The following EFHC2 variants were observed in gnomAD, a reference collection of about 807,000 sequenced individuals.
EFHC2 encodes EF-hand domain containing 2.
In EFHC2, 18 loss-of-function variants were observed where a neutral mutation model predicts 52.7. That is an observed-to-expected ratio of 0.34 (90% CI 0.24 to 0.51). The LOEUF is 0.51. EFHC2 is among the 20% of genes least tolerant of loss of function. The pLI is 0.97. For synonymous variants in EFHC2, 203 were observed against 204.1 expected (o/e 0.99, Z 0.04); for missense variants, 513 against 562.5 (o/e 0.91, Z 0.89).
chrX:44,312,047 G>A (rs2037951429), intron 2 of EFHC2, among the ~76,000 whole-genome samples: 1 of 112,289 alleles, frequency 8.9e-6, no homozygotes, highest in South Asian at 3.6e-4. Flanking sequence ...TGATAAAAAA[G>A]AGCAGAGCAA....
intron 4 of EFHC2, among the ~76,000 whole-genome samples, chrX:44,259,709 T>C (rs1446859449): frequency 1.8e-5 from 2 of 111,942 alleles, no homozygotes; most frequent in African/African-American, 6.5e-5. Context: ...TTTGGATCCA[T>C]TTCCTTCAAG....
At chrX:44,309,226 C>T in intron 2 of EFHC2, 1 of 442,912 alleles carries the variant, frequency 2.3e-6, no homozygotes, top group South Asian at 3.0e-5. Flanking sequence ...ATGGACAATT[C>T]ATGGTGTGGC....
intron 12 of EFHC2, 99 bp downstream of exon 12, chrX:44,178,268 G>A (rs777144371): frequency 5.7e-4 from 447 of 781,999 alleles, no homozygotes; most frequent in Non-Finnish European, 7.5e-4. Context: ...GATGACACAT[G>A]TCTATTTTCT....
intron 1 of EFHC2, among the ~76,000 whole-genome samples, chrX:44,319,299 G>A (rs1329492449): frequency 9.0e-6 from 1 of 110,970 alleles, no homozygotes; most frequent in Non-Finnish European, 1.9e-5. Context: ...CACTGCGCCG[G>A]GCACAAAAGA....
chrX:44,178,004 G>A (rs1483366961), intron 12 of EFHC2, among the ~76,000 whole-genome samples: 3 of 108,908 alleles, frequency 2.8e-5, no homozygotes, highest in African/African-American at 1.0e-4. Context: ...GGTGGTGCGA[G>A]CCTGTAGTCC....
chrX:44,247,858 T>C (rs2037411803), intron 7 of EFHC2, among the ~76,000 whole-genome samples: 1 of 112,148 alleles, frequency 8.9e-6, no homozygotes, highest in East Asian at 2.8e-4. Flanking sequence ...TAGAGCAAAC[T>C]AGCAGAAGAG....
chrX:44,335,223 A>G (rs771603573), intron 1 of EFHC2, among the ~76,000 whole-genome samples: 5 of 110,474 alleles, frequency 4.5e-5, no homozygotes, highest in Non-Finnish European at 9.4e-5. Flanking sequence ...GAAAGAAGAG[A>G]AGGAGGAAGA....
intron 11 of EFHC2, among the ~76,000 whole-genome samples, chrX:44,211,798 G>A (rs1463165829): frequency 2.9e-5 from 3 of 102,841 alleles, no homozygotes; most frequent in African/African-American, 7.2e-5. Context: ...CGTGAAGCCG[G>A]GAGGTGGAGC....
At chrX:44,245,780 C>T (rs773573481) in intron 7 of EFHC2, among the ~76,000 whole-genome samples, 4 of 112,130 alleles carry the variant, frequency 3.6e-5, no homozygotes, top group Non-Finnish European at 7.5e-5. Flanking sequence ...TATCCATGTA[C>T]CTTTCTTGGG....
At chrX:44,294,752 CAG>C (rs2037816096) in intron 2 of EFHC2, among the ~76,000 whole-genome samples, 1 of 111,515 alleles carries the variant, frequency 9.0e-6, no homozygotes, top group Non-Finnish European at 1.9e-5. Context: ...AACTGCAAAA[CAG>C]AGTATGGTAC....
intron 11 of EFHC2, among the ~76,000 whole-genome samples, chrX:44,191,440 T>C (rs1270120538): frequency 2.7e-5 from 3 of 111,373 alleles, no homozygotes; most frequent in Non-Finnish European, 5.6e-5. Flanking sequence ...TTTCACCATG[T>C]TGGCCAGGCT....
intron 11 of EFHC2, among the ~76,000 whole-genome samples, chrX:44,191,531 C>G (rs934936199): frequency 6.2e-5 from 7 of 112,028 alleles, no homozygotes; most frequent in African/African-American, 2.0e-4. Flanking sequence ...GTCACTGCAC[C>G]CAGTCTGTTC....
At chrX:44,262,512 CAA>C (rs749239313) in intron 3 of EFHC2, among the ~76,000 whole-genome samples, 353 of 29,134 alleles carry the variant, frequency 0.012, 2 homozygotes, top group African/African-American at 0.036. Flanking sequence ...AGCCCTGTCT[CAA>C]AAAAAAAAAA....
chrX:44,268,499 C>T (rs920392462), intron 3 of EFHC2, among the ~76,000 whole-genome samples: 5 of 111,422 alleles, frequency 4.5e-5, no homozygotes, highest in African/African-American at 1.6e-4. Flanking sequence ...ATGCAAGTCA[C>T]TAACCCAGGC....
chrX:44,171,424 G>A (rs2036744876), intron 13 of EFHC2, among the ~76,000 whole-genome samples: 1 of 111,316 alleles, frequency 9.0e-6, no homozygotes, highest in South Asian at 3.9e-4. Context: ...ATCATTTAGG[G>A]GAATGGTCTG....
chrX:44,310,657 TCA>T (rs2037942449), intron 2 of EFHC2, among the ~76,000 whole-genome samples: 2 of 112,181 alleles, frequency 1.8e-5, no homozygotes, highest in South Asian at 3.7e-4. Flanking sequence ...AGTCTGTAGT[TCA>T]CAGTCTCATC....
rs191380240 is a variant in EFHC2 at position 44,274,870 on chromosome X, T to A, written c.232-2034A>T. The stretch of plus-strand genomic sequence containing the variant: ...CCTCGCCACTGCACTCCAGCCTGGG[T>A]GAGAGAACGAGACTCTGTGTCTCAA... On this transcript the variant is annotated intron_variant, in intron 2 of 14. Coordinates refer to ENST00000420999, the MANE Select transcript of EFHC2 (RefSeq NM_025184.4). Among the ~76,000 whole-genome samples the A allele has an allele frequency of 9.9e-5, 11 of 111,035 alleles. No homozygotes were observed. In the East Asian group the frequency reaches 3.1e-3, roughly 31 times the overall value.
chrX:44,226,158 T>C (rs992123476), intron 11 of EFHC2, among the ~76,000 whole-genome samples: 4 of 111,642 alleles, frequency 3.6e-5, no homozygotes, highest in Non-Finnish European at 5.6e-5. Flanking sequence ...TGTGACACAC[T>C]GATGCAGGGT....
At chrX:44,174,150 T>C (rs2036766457) in intron 13 of EFHC2, among the ~76,000 whole-genome samples, 1 of 112,061 alleles carries the variant, frequency 8.9e-6, no homozygotes, top group African/African-American at 3.2e-5. Context: ...CCAGGTACTG[T>C]GCTGGGTACT....
Sources: gnomAD v4.1 joint callset for allele counts (sites outside exome capture counted in the v4.1 genomes callset) on GRCh38, gnomAD v4.1.1 for gene constraint, MANE v1.5 for transcripts, NCBI Gene and HGNC (gene_info 2026-07-23, HGNC 2026-07-21) for gene names.